TANC2: variants seen among roughly 807,000 people sequenced by gnomAD.
The protein encoded by TANC2 is tetratricopeptide repeat, ankyrin repeat and coiled-coil containing 2, also known as protein TANC2.
TANC2 carries 26 observed loss-of-function variants against 210.5 expected under a neutral mutation model. The ratio of observed to expected loss-of-function variants is 0.12; its 90% CI spans 0.09 to 0.17. TANC2 has a LOEUF of 0.17. Among genes scored for constraint, TANC2 ranks in the 10% least tolerant of loss-of-function variants. TANC2 has a pLI of 1.00. For missense variants in TANC2, 2,129 were observed against 2,608.9 expected, an observed-to-expected ratio of 0.82 and a Z score of 4.01; for synonymous variants, 931 against 967.1, an observed-to-expected ratio of 0.96 and a Z score of 0.69.
At chr17:63,384,113 C>T (rs1055054975) in intron 15 of TANC2, among the ~76,000 whole-genome samples, 3 of 151,970 alleles carry the variant, frequency 2.0e-5, no homozygotes, top group South Asian at 2.1e-4. Flanking sequence ...CTCTTCACCC[C>T]GGCTGGAGTA....
At position 63,421,154 on chromosome 17, in the gene TANC2, C is replaced by T. The variant is rs747627987; in HGVS notation, c.5424C>T (p.Ser1808=). 5.0e-6 allele frequency: 8 copies of T among 1,613,850 alleles called. No homozygotes were observed. The African/African-American group carries it at 6.7e-5, about 13-fold the overall frequency. Residue 1808 remains serine (S), a synonymous_variant, in exon 28 of 28, where the codon TCC becomes TCT. Transcript: ENST00000689528. This position sits in a 1 kb window ranked among gnomAD's most constrained non-coding sequence, Gnocchi z 6.9. ...AGATCGGACGCAGCCAGTCAGCATC[C>T]TATTACCCAGTCTGTCACTCAAAAC...
intron 18 of TANC2, among the ~76,000 whole-genome samples, chr17:63,397,314 A>G (rs898049689): frequency 7.9e-5 from 12 of 152,140 alleles, no homozygotes; most frequent in Non-Finnish European, 7.4e-5. Context: ...GTTGCACACA[A>G]CTTACAAATA....
chr17:63,190,408 G>A lies in TANC2; in HGVS notation c.434-3583G>A, dbSNP rs1455367633. Reference sequence around the variant, plus strand: ...TATTTCTGGACTCTTTATTTCATTGGTCTATTCTGATGCCAGTACCATACT... The same window carrying A: ...TATTTCTGGACTCTTTATTTCATTGATCTATTCTGATGCCAGTACCATACT... On this transcript the variant is annotated intron_variant, in intron 5 of 27. Coordinates refer to ENST00000689528, the Ensembl canonical transcript of TANC2. 2.0e-5 allele frequency among the ~76,000 whole-genome samples: 3 copies of A among 152,140 alleles called. No individual in the cohort carries two copies. The East Asian group carries it at 5.8e-4, about 29-fold the overall frequency.
chr17:63,084,449 A>G (rs2036887981), intron 3 of TANC2, among the ~76,000 whole-genome samples: 1 of 151,276 alleles, frequency 6.6e-6, no homozygotes, highest in Admixed American at 6.6e-5. Context: ...AAGAACCAGG[A>G]CTTGGTTTTG....
intron 7 of TANC2, among the ~76,000 whole-genome samples, chr17:63,228,295 G>A (rs1193925065): frequency 1.3e-5 from 2 of 152,172 alleles, no homozygotes; most frequent in Admixed American, 6.5e-5. Context: ...CTATGTGTCT[G>A]TTTTTGTACT....
intron 8 of TANC2, among the ~76,000 whole-genome samples, chr17:63,256,473 GA>G (rs1402000453): frequency 2.0e-5 from 3 of 152,024 alleles, no homozygotes; most frequent in East Asian, 3.8e-4. Flanking sequence ...TAATTCATAT[GA>G]TTTTTTTTAA....
intron 7 of TANC2, among the ~76,000 whole-genome samples, chr17:63,218,267 A>G (rs1036984668): frequency 6.6e-6 from 1 of 151,888 alleles, no homozygotes; most frequent in African/African-American, 2.4e-5. Flanking sequence ...GACCCCATAG[A>G]GAGGAGGGAA....
chr17:63,377,567 ATG>A (rs1283284643), intron 14 of TANC2, among the ~76,000 whole-genome samples: 1 of 152,204 alleles, frequency 6.6e-6, no homozygotes, highest in Non-Finnish European at 1.5e-5. Context: ...TTCATTGTCC[ATG>A]TCACCATCAG....
intron 7 of TANC2, among the ~76,000 whole-genome samples, chr17:63,229,468 AGTT>A (rs1299005262): frequency 6.6e-6 from 1 of 151,830 alleles, no homozygotes; most frequent in Non-Finnish European, 1.5e-5. Flanking sequence ...CCTTCTTTTC[AGTT>A]GTTTGGAATA....
intron 2 of TANC2, among the ~76,000 whole-genome samples, chr17:63,064,314 A>G (rs570717973): frequency 1.6e-3 from 236 of 152,186 alleles, no homozygotes; most frequent in Middle Eastern, 6.8e-3. Context: ...AAAAAAAGTT[A>G]GCCAGCTGTC....
At chr17:63,334,954 A>G (rs577854571) in intron 11 of TANC2, among the ~76,000 whole-genome samples, 1 of 152,266 alleles carries the variant, frequency 6.6e-6, no homozygotes, top group African/African-American at 2.4e-5. Context: ...GCAGAGCAGG[A>G]GGTGGGTTGG....
chr17:63,121,005 T>A (rs1399220199), intron 4 of TANC2, among the ~76,000 whole-genome samples: 1 of 152,032 alleles, frequency 6.6e-6, no homozygotes, highest in African/African-American at 2.4e-5. Flanking sequence ...AACTTAAACA[T>A]GTTGTCCTAA....
chr17:63,133,908 A>G (rs1012712404), intron 4 of TANC2, among the ~76,000 whole-genome samples: 1 of 152,196 alleles, frequency 6.6e-6, no homozygotes, highest in Non-Finnish European at 1.5e-5. Context: ...CAACATTAGC[A>G]TGATTTTAAA....
chr17:63,190,294 T>C (rs1457409270), intron 5 of TANC2, among the ~76,000 whole-genome samples: 1 of 152,052 alleles, frequency 6.6e-6, no homozygotes, highest in Non-Finnish European at 1.5e-5. Context: ...GAGCCATGGT[T>C]GTACCACTGC....
chr17:63,236,340 A>G (rs1388061815), intron 7 of TANC2, among the ~76,000 whole-genome samples: 2 of 152,060 alleles, frequency 1.3e-5, no homozygotes, highest in Non-Finnish European at 2.9e-5. Context: ...TATGTGAGAG[A>G]TGACTGTATT....
intron 9 of TANC2, among the ~76,000 whole-genome samples, chr17:63,283,384 T>C (rs2044119905): frequency 6.6e-6 from 1 of 151,918 alleles, no homozygotes; most frequent in Admixed American, 6.6e-5. Flanking sequence ...AATCTTGAAA[T>C]CATGTCAACA....
intron 1 of TANC2, 63 bp from the exon 2 acceptor site, chr17:63,009,474 C>T: frequency 9.1e-7 from 1 of 1,098,542 alleles, no homozygotes; most frequent in South Asian, 1.4e-5. Flanking sequence ...TGACTATAGT[C>T]ACCCTCTTAT....
chr17:63,354,700 C>T, intron 13 of TANC2, 83 bp from the exon 14 acceptor site: 1 of 1,490,488 alleles, frequency 6.7e-7, no homozygotes, highest in Non-Finnish European at 8.9e-7. Context: ...GTTCAGAATA[C>T]ATTTGTGAAC....
intron 7 of TANC2, among the ~76,000 whole-genome samples, chr17:63,236,376 G>A (rs1423564807): frequency 3.9e-5 from 6 of 152,022 alleles, no homozygotes; most frequent in African/African-American, 1.4e-4. Flanking sequence ...TAAACTTCAT[G>A]AAAGAAGTGA....
Sources: allele counts gnomAD v4.1 joint callset (sites outside exome capture counted in the v4.1 genomes callset), GRCh38; gene constraint gnomAD v4.1.1; non-coding constraint Gnocchi (gnomAD v3.1); transcripts MANE v1.5; gene names NCBI Gene and HGNC (gene_info 2026-07-23, HGNC 2026-07-21).